TAFA1: variants seen among roughly 807,000 people sequenced by gnomAD.
The protein encoded by TAFA1 is chemokine-like protein TAFA-1.
TAFA1 carries 4 observed loss-of-function variants against 18.5 expected under a neutral mutation model. The ratio of observed to expected loss-of-function variants is 0.22; its 90% CI spans 0.11 to 0.49. The LOEUF (loss-of-function observed/expected upper bound fraction) is 0.49. Among genes scored for constraint, TAFA1 ranks in the 20% least tolerant of loss-of-function variants. The probability of loss-of-function intolerance (pLI) is 0.98; values close to 1 mark genes in which losing one functional copy is unlikely to be tolerated. For missense variants in TAFA1, 147 were observed against 169.0 expected (o/e 0.87, Z 0.72); for synonymous variants, 56 against 55.2 (o/e 1.01, Z -0.06).
chr3:68,375,902 A>C (rs1371958267), intron 2 of TAFA1, among the ~76,000 whole-genome samples: 1 of 152,218 alleles, frequency 6.6e-6, no homozygotes, highest in East Asian at 1.9e-4. Flanking sequence ...CAAAAGTGAA[A>C]GAATCTCTAA....
At chr3:68,443,443 A>G (rs2071420942) in intron 3 of TAFA1, among the ~76,000 whole-genome samples, 1 of 149,836 alleles carries the variant, frequency 6.7e-6, no homozygotes, top group African/African-American at 2.5e-5. Flanking sequence ...CACGCTGCTG[A>G]TAAAGACACA....
intron 2 of TAFA1, among the ~76,000 whole-genome samples, chr3:68,272,402 G>A (rs2081828030): frequency 6.6e-6 from 1 of 152,142 alleles, no homozygotes; most frequent in African/African-American, 2.4e-5. Flanking sequence ...AGCATATGGG[G>A]TTATGAGGAT....
chr3:68,065,807 C>T (rs1200943753), intron 2 of TAFA1, among the ~76,000 whole-genome samples: 1 of 150,574 alleles, frequency 6.6e-6, no homozygotes, highest in Admixed American at 6.6e-5. Context: ...ATCAATCTAT[C>T]TATCTCTTTA....
intron 2 of TAFA1, among the ~76,000 whole-genome samples, chr3:68,224,249 T>G (rs1266868907): frequency 6.6e-6 from 1 of 152,162 alleles, no homozygotes; most frequent in East Asian, 1.9e-4. Flanking sequence ...AGAAGAGTAC[T>G]GACATGCCCT....
chr3:68,325,756 G>A (rs1305682132), intron 2 of TAFA1, among the ~76,000 whole-genome samples: 2 of 152,108 alleles, frequency 1.3e-5, no homozygotes, highest in South Asian at 2.1e-4. Context: ...ATAATAGCTG[G>A]CACGTATTAA....
chr3:68,396,867 A>G (rs1455044037), intron 2 of TAFA1, among the ~76,000 whole-genome samples: 1 of 152,220 alleles, frequency 6.6e-6, no homozygotes, highest in Non-Finnish European at 1.5e-5. Flanking sequence ...TCCTCTGAAT[A>G]GAATAAGAAC....
chr3:68,202,198 A>G (rs1310079998), intron 2 of TAFA1, among the ~76,000 whole-genome samples: 1 of 151,708 alleles, frequency 6.6e-6, no homozygotes, highest in Non-Finnish European at 1.5e-5. Flanking sequence ...TTTAAATAAT[A>G]TTAGCATAGT....
chr3:68,244,007 T>C (rs2067035515), intron 2 of TAFA1, among the ~76,000 whole-genome samples: 1 of 152,208 alleles, frequency 6.6e-6, no homozygotes, highest in African/African-American at 2.4e-5. Context: ...AGTCTCATTG[T>C]GGTTTTAATT....
intron 2 of TAFA1, among the ~76,000 whole-genome samples, chr3:68,332,087 TCTC>T (rs1399286620): frequency 6.6e-6 from 1 of 151,770 alleles, no homozygotes; most frequent in Non-Finnish European, 1.5e-5. Flanking sequence ...ATGGTCTCGA[TCTC>T]CTGACCTCGT....
At chr3:68,326,814 A>C (rs1413625820) in intron 2 of TAFA1, among the ~76,000 whole-genome samples, 1 of 152,218 alleles carries the variant, frequency 6.6e-6, no homozygotes, top group East Asian at 1.9e-4. Context: ...GAAAAGATAA[A>C]TAAATAGGGG....
At chr3:68,507,014 G>A (rs1559698193) in intron 3 of TAFA1, among the ~76,000 whole-genome samples, 6 of 152,202 alleles carry the variant, frequency 3.9e-5, no homozygotes. Flanking sequence ...GCCATGCATA[G>A]CAAATTCATA....
intron 2 of TAFA1, among the ~76,000 whole-genome samples, chr3:68,286,509 C>G (rs766533821): frequency 2.2e-4 from 34 of 152,078 alleles, no homozygotes; most frequent in Non-Finnish European, 4.1e-4. Flanking sequence ...ACCCTCAACA[C>G]TCAGAGAGTA....
At chr3:68,351,482 AC>A (rs989199086) in intron 2 of TAFA1, among the ~76,000 whole-genome samples, 3 of 152,078 alleles carry the variant, frequency 2.0e-5, no homozygotes, top group African/African-American at 7.2e-5. Flanking sequence ...GACACCTGTT[AC>A]AAAAGATAGA....
chr3:68,146,609 G>A (rs150307375), intron 2 of TAFA1, among the ~76,000 whole-genome samples: 2 of 152,280 alleles, frequency 1.3e-5, no homozygotes, highest in African/African-American at 4.8e-5. Context: ...TAAAAAACAT[G>A]TTTCTTATGG....
intron 2 of TAFA1, among the ~76,000 whole-genome samples, chr3:68,268,537 C>T: frequency 6.6e-6 from 1 of 151,840 alleles, no homozygotes; most frequent in African/African-American, 2.4e-5. Context: ...TTTTTCTCCC[C>T]CACTGGGAGA....
At chr3:68,379,545 A>C (rs1352763247) in intron 2 of TAFA1, among the ~76,000 whole-genome samples, 3 of 152,074 alleles carry the variant, frequency 2.0e-5, no homozygotes, top group Non-Finnish European at 4.4e-5. Context: ...TGCTTTTGGC[A>C]TCTACATCAT....
rs116824777 is a variant in TAFA1 at position 68,541,242 on chromosome 3, A to G, written c.384+2362A>G. On this transcript the variant is annotated intron_variant, in intron 4 of 4. Transcript: ENST00000478136. ...ACCTTCAGAGGACTCAAATGCTCTT[A>G]CTGACATACGTCCTCCCTCCTCCCT... Among the ~76,000 whole-genome samples the G allele has an allele frequency of 4.8e-3, 735 of 152,290 alleles. 5 individuals carry two copies. Among genetic ancestry groups the G allele is most frequent in the Middle Eastern group, 0.027 (8 of 294 alleles).
At chr3:68,535,848 A>C (rs541811066) in intron 3 of TAFA1, among the ~76,000 whole-genome samples, 1 of 152,136 alleles carries the variant, frequency 6.6e-6, no homozygotes, top group East Asian at 1.9e-4. Context: ...GATGGGGGAA[A>C]GTTTTTGTTA....
At chr3:68,366,342 G>T (rs1334775519) in intron 2 of TAFA1, among the ~76,000 whole-genome samples, 4 of 152,156 alleles carry the variant, frequency 2.6e-5, no homozygotes, top group African/African-American at 9.7e-5. Flanking sequence ...CACAGGATGA[G>T]TGTGAAGGAA....
Sources: gnomAD v4.1 joint callset for allele counts (sites outside exome capture counted in the v4.1 genomes callset) on GRCh38, gnomAD v4.1.1 for gene constraint, MANE v1.5 for transcripts, NCBI Gene and HGNC (gene_info 2026-07-23, HGNC 2026-07-21) for gene names.